RARB: variants seen among roughly 807,000 people sequenced by gnomAD.
RARB encodes HBV-activated protein.
RARB carries 17 observed loss-of-function variants against 51.9 expected under a neutral mutation model. The observed-to-expected ratio is 0.33, with a 90% CI of 0.22 to 0.49. The LOEUF (loss-of-function observed/expected upper bound fraction) is 0.49, where lower values mean the gene tolerates loss of function less well. RARB is among the 20% of genes least tolerant of loss of function. The pLI, the probability that RARB is intolerant of heterozygous loss-of-function variation, is 0.99. For synonymous variants in RARB, 215 were observed against 195.4 expected (o/e 1.10, Z -0.84); for missense variants, 369 against 550.8 (o/e 0.67, Z 3.30).
At chr3:25,268,840 T>G (rs1703186295) in intron 5 of RARB, among the ~76,000 whole-genome samples, 1 of 152,210 alleles carries the variant, frequency 6.6e-6, no homozygotes, top group Admixed American at 6.5e-5. Context: ...TTCCCCACTA[T>G]GATTTGGTAT....
intron 5 of RARB, among the ~76,000 whole-genome samples, chr3:25,421,403 C>CTTTTTTTTTTTTTTTTTTTTTTT (rs766378555): frequency 2.8e-5 from 2 of 72,372 alleles, no homozygotes; most frequent in African/African-American, 6.5e-5. Context: ...TTCTTCTTTT[C>CTTTTTTTTTTTTTTTTTTTTTTT]TTTTTTTTTT....
intron 2 of RARB, among the ~76,000 whole-genome samples, chr3:25,494,757 C>T (rs1357473334): frequency 6.6e-6 from 1 of 152,142 alleles, no homozygotes; most frequent in African/African-American, 2.4e-5. Flanking sequence ...TGTCCATCCC[C>T]AAGAGCCTAT....
intron 5 of RARB, among the ~76,000 whole-genome samples, chr3:25,184,954 C>T (rs1425057842): frequency 6.6e-6 from 1 of 152,058 alleles, no homozygotes; most frequent in East Asian, 1.9e-4. Context: ...TATTATTATC[C>T]ATGCTTTGCG....
At chr3:25,560,639 C>G (rs1267455575) in intron 3 of RARB, among the ~76,000 whole-genome samples, 3 of 152,198 alleles carry the variant, frequency 2.0e-5, no homozygotes, top group African/African-American at 7.2e-5. Context: ...CCTTTAATCT[C>G]TAGTTATAGA....
At chr3:25,223,902 A>C (rs1701999592) in intron 5 of RARB, among the ~76,000 whole-genome samples, 2 of 152,212 alleles carry the variant, frequency 1.3e-5, no homozygotes, top group African/African-American at 4.8e-5. Context: ...CCAACTTAGT[A>C]CATTTACTAT....
chr3:24,967,392 C>T (rs973097261), intron 2 of RARB, among the ~76,000 whole-genome samples: 19 of 152,158 alleles, frequency 1.2e-4, no homozygotes, highest in Admixed American at 5.9e-4. Context: ...CATTTCTTCA[C>T]TACCCCCGCA....
intron 5 of RARB, among the ~76,000 whole-genome samples, chr3:25,246,052 C>A (rs979613095): frequency 6.6e-6 from 1 of 151,908 alleles, no homozygotes; most frequent in Non-Finnish European, 1.5e-5. Context: ...TGTCTTCATG[C>A]TTTATTTCTT....
intron 3 of RARB, among the ~76,000 whole-genome samples, chr3:25,511,202 G>A (rs1697876677): frequency 6.6e-6 from 1 of 151,680 alleles, no homozygotes; most frequent in Non-Finnish European, 1.5e-5. Flanking sequence ...GCACGATCTC[G>A]GCTCACTGCA....
intron 5 of RARB, among the ~76,000 whole-genome samples, chr3:25,586,316 G>A (rs963562013): frequency 6.6e-5 from 10 of 152,048 alleles, no homozygotes; most frequent in Non-Finnish European, 1.3e-4. Context: ...AAGGCATAGC[G>A]TAATGACAGG....
chr3:25,468,847 T>C (rs1695561487), intron 2 of RARB, among the ~76,000 whole-genome samples: 1 of 152,218 alleles, frequency 6.6e-6, no homozygotes, highest in Non-Finnish European at 1.5e-5. Flanking sequence ...CCTTGCTCTC[T>C]ACATTTTGCC....
At chr3:25,558,363 C>T (rs973251800) in intron 3 of RARB, among the ~76,000 whole-genome samples, 2 of 152,132 alleles carry the variant, frequency 1.3e-5, no homozygotes, top group Non-Finnish European at 2.9e-5. Context: ...TTCTGACTGG[C>T]GGCTACTTGA....
chr3:25,538,404 C>T (rs563642821), intron 3 of RARB, among the ~76,000 whole-genome samples: 13 of 152,138 alleles, frequency 8.5e-5, no homozygotes, highest in South Asian at 6.2e-4. Flanking sequence ...TCTTTACATC[C>T]GGGTTTTAGA....
chr3:24,851,597 G>A (rs1702561423), intron 1 of RARB, among the ~76,000 whole-genome samples: 1 of 152,172 alleles, frequency 6.6e-6, no homozygotes, highest in Non-Finnish European at 1.5e-5. Flanking sequence ...CGGGACTCCA[G>A]AAACTGGCAA....
chr3:25,516,827 A>G (rs1296879118), intron 3 of RARB, among the ~76,000 whole-genome samples: 2 of 152,242 alleles, frequency 1.3e-5, no homozygotes, highest in East Asian at 3.9e-4. Context: ...GGGTTTTGCC[A>G]TGTTGGCCAG....
At chr3:24,958,567 T>C (rs570951576) in intron 2 of RARB, among the ~76,000 whole-genome samples, 2 of 152,336 alleles carry the variant, frequency 1.3e-5, no homozygotes, top group South Asian at 4.1e-4. Context: ...GGAATTTATC[T>C]GTGCTTTCTT....
intron 5 of RARB, among the ~76,000 whole-genome samples, chr3:25,239,034 T>C (rs148317116): frequency 1.1e-3 from 169 of 152,328 alleles, no homozygotes; most frequent in Middle Eastern, 3.4e-3. Context: ...TTGTGGTTTT[T>C]ATTTGTATTT....
chr3:25,217,950 C>T (rs1201121052), intron 5 of RARB, among the ~76,000 whole-genome samples: 4 of 152,126 alleles, frequency 2.6e-5, no homozygotes, highest in African/African-American at 7.2e-5. Flanking sequence ...AAGATTTAAG[C>T]CCCATGAATC....
intron 3 of RARB, among the ~76,000 whole-genome samples, chr3:25,559,315 G>A (rs1700178487): frequency 6.6e-6 from 1 of 152,152 alleles, no homozygotes; most frequent in African/African-American, 2.4e-5. Flanking sequence ...TCTTATAAGG[G>A]TATTCAGCTC....
chr3:25,262,885 C>A (rs1275411269), intron 5 of RARB, among the ~76,000 whole-genome samples: 4 of 152,208 alleles, frequency 2.6e-5, no homozygotes, highest in African/African-American at 9.6e-5. Flanking sequence ...TTACCTCTAT[C>A]ATTCCACATT....
Sources: allele counts gnomAD v4.1 joint callset (sites outside exome capture counted in the v4.1 genomes callset), GRCh38; gene constraint gnomAD v4.1.1; transcripts MANE v1.5; gene names NCBI Gene and HGNC (gene_info 2026-07-23, HGNC 2026-07-21).